IGSF9B: variants seen among roughly 807,000 people sequenced by gnomAD.
The protein encoded by IGSF9B is immunoglobulin superfamily member 9B.
In IGSF9B, 48 loss-of-function variants were observed where a neutral mutation model predicts 143.7. That is an observed-to-expected ratio of 0.33 (90% CI 0.26 to 0.42). The LOEUF is 0.42. IGSF9B is among the 20% of genes least tolerant of loss of function. The pLI is 1.00. For synonymous variants in IGSF9B, 903 were observed against 833.1 expected, an observed-to-expected ratio of 1.08 and a Z score of -1.44; for missense variants, 1,706 against 1,980.0, an observed-to-expected ratio of 0.86 and a Z score of 2.63.
chr11:133,902,912 A>T lies in IGSF9B; in HGVS notation c.*6157T>A, dbSNP rs1939160809. Among the ~76,000 whole-genome samples the T allele has an allele frequency of 1.3e-5, 2 of 152,216 alleles. No homozygotes were observed. Among genetic ancestry groups the T allele is most frequent in the South Asian group, 4.2e-4 (2 of 4,814 alleles). Reference sequence around the variant, plus strand: ...CCTGGGTTCTACCACCAGCGTGAGGAGGGCTGGGCACTCGCCCCTCCCATG... The same window carrying T: ...CCTGGGTTCTACCACCAGCGTGAGGTGGGCTGGGCACTCGCCCCTCCCATG... On this transcript the variant is annotated 3_prime_UTR_variant, in exon 20 of 20. Transcript: ENST00000533871.
chr11:133,931,151 C>G lies in IGSF9B; in HGVS notation c.1369-17G>C. ...CTTCCCTACCTTGGTGAACAAGGGGCAGGGAAGAGGGTGGGAACAGAAATG... is the reference window on the plus strand; with the variant it reads ...CTTCCCTACCTTGGTGAACAAGGGGGAGGGAAGAGGGTGGGAACAGAAATG... On this transcript the variant is annotated splice_polypyrimidine_tract_variant and intron_variant, in intron 10 of 19. Coordinates refer to ENST00000533871, the MANE Select transcript of IGSF9B (RefSeq NM_001277285.4). The surrounding 1 kb of genome is among the most constrained non-coding windows in gnomAD (Gnocchi z 7.7). The G allele has an allele frequency of 1.2e-6, 2 of 1,606,284 alleles. No individual in the cohort carries two copies. The highest frequency in any genetic ancestry group is 1.7e-6 in the Non-Finnish European group (2 of 1,175,290).
chr11:133,913,035 A>T lies in IGSF9B; in HGVS notation c.3984-1028T>A, dbSNP rs1284349207. 6.6e-6 allele frequency among the ~76,000 whole-genome samples: 1 copy of T among 152,208 alleles called. No homozygotes were observed. Among genetic ancestry groups the T allele is most frequent in the Non-Finnish European group, 1.5e-5 (1 of 68,044 alleles). On this transcript the variant is annotated intron_variant, in intron 18 of 19. Transcript: ENST00000533871. The surrounding 1 kb of genome is among the most constrained non-coding windows in gnomAD (Gnocchi z 4.6). ...ACCTAGAAGACATGTTCTCAATGCC[A>T]TTTCTTCTCAAAGTAACCCAACTCG...
At chr11:133,939,336 T>C (rs1939880432) in intron 3 of IGSF9B, among the ~76,000 whole-genome samples, 1 of 152,268 alleles carries the variant, frequency 6.6e-6, no homozygotes, top group Non-Finnish European at 1.5e-5. Context: ...TGTTTCATTT[T>C]CTTCAAAGCA....
chr11:133,941,250 G>A (rs1939951413), intron 3 of IGSF9B, among the ~76,000 whole-genome samples: 1 of 152,204 alleles, frequency 6.6e-6, no homozygotes, highest in African/African-American at 2.4e-5. Context: ...GTGCAGGTTA[G>A]AAATAGGCTG....
intron 1 of IGSF9B, among the ~76,000 whole-genome samples, chr11:133,954,993 C>T (rs1178481213): frequency 6.6e-6 from 1 of 152,216 alleles, no homozygotes; most frequent in Non-Finnish European, 1.5e-5. Flanking sequence ...CTGAAACTTG[C>T]AAAGAAGTCC....
chr11:133,947,850 C>T (rs189326111), intron 1 of IGSF9B, among the ~76,000 whole-genome samples: 2 of 152,008 alleles, frequency 1.3e-5, no homozygotes, highest in African/African-American at 2.4e-5. Context: ...GCCTTGCTGG[C>T]TCCTCTGTCT....
At chr11:133,929,310 C>A (rs1939681941) in intron 12 of IGSF9B, among the ~76,000 whole-genome samples, 1 of 152,198 alleles carries the variant, frequency 6.6e-6, no homozygotes, top group Non-Finnish European at 1.5e-5. Flanking sequence ...CTAGACTCTA[C>A]ACTTAAGGCT....
intron 4 of IGSF9B, 55 bp from the exon 5 acceptor site, chr11:133,937,548 A>G: frequency 1.5e-6 from 2 of 1,374,492 alleles, no homozygotes; most frequent in South Asian, 1.2e-5. Flanking sequence ...CACCGCTGCT[A>G]CCCTCAAACA....
rs760900317 is a variant in IGSF9B at position 133,937,823 on chromosome 11, C to A, written c.548G>T (p.Ser183Ile). The A allele has an allele frequency of 1.2e-6, 2 of 1,609,802 alleles. No homozygotes were observed. The highest frequency in any genetic ancestry group is 2.2e-5 in the East Asian group (1 of 44,752). Residue 183 changes from serine to isoleucine, a missense_variant, in exon 4 of 20, where the codon AGT becomes ATT. This residue lies in a region of IGSF9B where 238 missense variants were observed against 452.6 expected (regional missense o/e 0.53). Transcript: ENST00000533871. ...WLKEGTLLGA[S>I]GKYQVSDGSL... The stretch of plus-strand genomic sequence containing the variant: ...AACCACACTCACCTGGTATTTCCCA[C>A]TAGCACCGAGGAGCGTCCCCTCCTT...
Position 133,931,415 on chromosome 11 carries a change from C to A in IGSF9B, c.1368+38G>T, listed in dbSNP as rs551012426. On this transcript the variant is annotated intron_variant, in intron 10 of 19. Coordinates refer to ENST00000533871, the MANE Select transcript of IGSF9B (RefSeq NM_001277285.4). The surrounding 1 kb of genome is among the most constrained non-coding windows in gnomAD (Gnocchi z 7.7). ...AGCCCCAGGGCTCCCTGGGCCCTCA[C>A]ACCTCCCTGCAGACCCAGGGCTCCA... 1 of 1,471,982 alleles carries A rather than the reference C, an allele frequency of 6.8e-7. No individual in the cohort carries two copies. The highest frequency in any genetic ancestry group is 1.2e-5 in the South Asian group (1 of 86,658). The allele number at this position is 1,471,982 out of a possible 1,614,324, so 91.2% of individuals were successfully genotyped here. A position where few individuals can be genotyped will look rare whatever the true frequency, so the allele number is the denominator to read the frequency against.
At chr11:133,918,341 C>T (rs1591709773) in intron 18 of IGSF9B, among the ~76,000 whole-genome samples, 1 of 152,118 alleles carries the variant, frequency 6.6e-6, no homozygotes, top group South Asian at 2.1e-4. Flanking sequence ...CCAACACCGG[C>T]CGGGGGGCAC....
chr11:133,937,675 C>G, intron 4 of IGSF9B, 135 bp downstream of exon 4: 1 of 1,187,194 alleles, frequency 8.4e-7, no homozygotes, highest in Non-Finnish European at 1.2e-6. Context: ...GAGACGCCTG[C>G]AGCTGAGCCA....
At chr11:133,952,477 GGA>G (rs1940178295) in intron 1 of IGSF9B, among the ~76,000 whole-genome samples, 1 of 152,186 alleles carries the variant, frequency 6.6e-6, no homozygotes, top group African/African-American at 2.4e-5. Flanking sequence ...AGCACGGAGA[GGA>G]GTGGCCCCCA....
rs1353193199 is a variant in IGSF9B at position 133,945,423 on chromosome 11, CCCTT to C, written c.262+634_262+637del. On this transcript the variant is annotated intron_variant, in intron 2 of 19. Coordinates refer to ENST00000533871, the MANE Select transcript of IGSF9B (RefSeq NM_001277285.4). The surrounding 1 kb of genome is among the most constrained non-coding windows in gnomAD (Gnocchi z 4.6). Reference sequence around the variant, plus strand: ...GAAGGCAGTGCCCTGCCTGCTTCCTCCCTTCCTTTCAACCCCAACAACGCTCGCT... The same window carrying C: ...GAAGGCAGTGCCCTGCCTGCTTCCTCCCTTTCAACCCCAACAACGCTCGCT... Among the ~76,000 whole-genome samples, 1 of 152,218 alleles carries C rather than the reference CCCTT, an allele frequency of 6.6e-6. No homozygotes were observed. The highest frequency in any genetic ancestry group is 2.4e-5 in the African/African-American group (1 of 41,464).
chr11:133,922,540 GA>G, intron 16 of IGSF9B, 28 bp downstream of exon 16: 1 of 1,596,896 alleles, frequency 6.3e-7, no homozygotes, highest in Non-Finnish European at 8.6e-7. Flanking sequence ...CCGGGCCAGG[GA>G]GAGCAAGGGA....
chr11:133,946,346 C>T lies in IGSF9B; in HGVS notation c.65-88G>A, dbSNP rs1306092982. On this transcript the variant is annotated intron_variant, in intron 1 of 19. Coordinates refer to ENST00000533871, the MANE Select transcript of IGSF9B (RefSeq NM_001277285.4). ...CCCATGTCCGTGTCACAGGGTCACC[C>T]CGCCCCCCACCAGCTGCCCTCCATG... 2.6e-6 allele frequency: 3 copies of T among 1,151,898 alleles called. No homozygotes were observed. The Admixed American group carries it at 6.0e-5, about 23-fold the overall frequency. The allele number at this position is 1,151,898 out of a possible 1,614,324, so 71.4% of individuals were successfully genotyped here. A position where few individuals can be genotyped will look rare whatever the true frequency, so the allele number is the denominator to read the frequency against.
Position 133,901,858 on chromosome 11 carries a change from A to T in IGSF9B, c.*7211T>A, listed in dbSNP as rs1939127570. Among the ~76,000 whole-genome samples the T allele has an allele frequency of 6.8e-6, 1 of 146,206 alleles. No individual in the cohort carries two copies. On this transcript the variant is annotated 3_prime_UTR_variant, in exon 20 of 20. Coordinates refer to ENST00000533871, the MANE Select transcript of IGSF9B (RefSeq NM_001277285.4). ...CACACACACACCACACACGCACCAC[A>T]CACGCACCACACACGCACCACACAC...
chr11:133,901,369 C>T lies in IGSF9B; in HGVS notation c.*7700G>A, dbSNP rs199623044. ...CTCAAAACATCTCTAAGCACAGGTA[C>T]AAAAATAAAGCAAACTATGACTTCA... On this transcript the variant is annotated 3_prime_UTR_variant, in exon 20 of 20. Coordinates refer to ENST00000533871, the MANE Select transcript of IGSF9B (RefSeq NM_001277285.4). 9.9e-6 allele frequency: 1 copy of T among 100,944 alleles called. No homozygotes were observed. The highest frequency in any genetic ancestry group is 2.6e-5 in the Non-Finnish European group (1 of 38,894). The allele number at this position is 100,944 out of a possible 1,614,324, so 6.3% of individuals were successfully genotyped here. A position where few individuals can be genotyped will look rare whatever the true frequency, so the allele number is the denominator to read the frequency against.
In IGSF9B at chr11:133,925,865, C is replaced by A; in HGVS notation, c.1908G>T (p.Pro636=). The part of the protein sequence containing the change: ...TQQGVLLSWL[P]PANHSFPIDR... ...CGATGGGAAAGCTGTGGTTGGCAGG[C>A]GGAAGCCAGGACAGGAGCACACCCT... The change falls in exon 14 of 20, where the codon CCG becomes CCT. Residue 636 remains proline, a synonymous_variant. Coordinates refer to ENST00000533871, the MANE Select transcript of IGSF9B (RefSeq NM_001277285.4). 8 of 1,613,450 alleles carry A rather than the reference C, an allele frequency of 5.0e-6. No homozygotes were observed. The highest frequency in any genetic ancestry group is 6.8e-6 in the Non-Finnish European group (8 of 1,179,718).
Sources: allele counts gnomAD v4.1 joint callset (sites outside exome capture counted in the v4.1 genomes callset), GRCh38; gene constraint gnomAD v4.1.1; regional missense constraint gnomAD v4.1.1; non-coding constraint Gnocchi (gnomAD v3.1); transcripts MANE v1.5; gene names NCBI Gene and HGNC (gene_info 2026-07-23, HGNC 2026-07-21).